The following DPF3 variants were observed in gnomAD, a reference collection of about 807,000 sequenced individuals.
DPF3 encodes zinc finger protein DPF3.
Under a neutral mutation model 56.8 loss-of-function variants are expected in DPF3, and 18 were observed. The observed-to-expected ratio is 0.32, with a 90% CI of 0.22 to 0.47. DPF3 has a LOEUF of 0.47. Among genes scored for constraint, DPF3 ranks in the 20% least tolerant of loss-of-function variants. DPF3 has a pLI of 1.00. For synonymous variants in DPF3, 188 were observed against 180.2 expected, an observed-to-expected ratio of 1.04 and a Z score of -0.35; for missense variants, 403 against 488.8, an observed-to-expected ratio of 0.82 and a Z score of 1.65.
chr14:72,622,666 C>T (rs2153566168), intron 9 of DPF3, among the ~76,000 whole-genome samples: 1 of 152,082 alleles, frequency 6.6e-6, no homozygotes, highest in South Asian at 2.1e-4. Flanking sequence ...TCTCTTCCAC[C>T]ACCAAGAGCC....
intron 8 of DPF3, among the ~76,000 whole-genome samples, chr14:72,669,607 C>T (rs934288859): frequency 1.3e-5 from 2 of 152,190 alleles, no homozygotes; most frequent in Admixed American, 6.5e-5. Flanking sequence ...CTGGATTTCA[C>T]TTCCAGGTTT....
chr14:72,819,181 A>C (rs1336570345), intron 1 of DPF3, among the ~76,000 whole-genome samples: 1 of 152,240 alleles, frequency 6.6e-6, no homozygotes, highest in Non-Finnish European at 1.5e-5. Flanking sequence ...GCTAAAATTC[A>C]AAAGACTGGT....
At chr14:72,720,593 C>T (rs1889129569) in intron 5 of DPF3, among the ~76,000 whole-genome samples, 2 of 152,238 alleles carry the variant, frequency 1.3e-5, no homozygotes, top group South Asian at 2.1e-4. Context: ...CTCATCTCCC[C>T]TACAGCTGAA....
In DPF3 at chr14:72,614,639, G is replaced by C. The variant is rs1463764958; in HGVS notation, c.*4658C>G. Among the ~76,000 whole-genome samples, 3 of 152,026 alleles carry C rather than the reference G, an allele frequency of 2.0e-5. No individual in the cohort carries two copies. In the East Asian group the frequency reaches 5.8e-4, roughly 29 times the overall value. The stretch of plus-strand genomic sequence containing the variant: ...TGAGGGGCTTACTTTGCCCTCAGAA[G>C]CATCCCTGAAACCCCACACAACCAA... On this transcript the variant is annotated 3_prime_UTR_variant, in exon 11 of 11. Coordinates refer to ENST00000556509, the MANE Select transcript of DPF3 (RefSeq NM_001280542.3).
chr14:72,822,807 G>A (rs934947983), intron 1 of DPF3, among the ~76,000 whole-genome samples: 1 of 152,112 alleles, frequency 6.6e-6, no homozygotes, highest in Non-Finnish European at 1.5e-5. Context: ...AGGAAAGAGA[G>A]TGTTATACGT....
At chr14:72,697,406 T>C (rs1158413033) in intron 6 of DPF3, among the ~76,000 whole-genome samples, 1 of 152,078 alleles carries the variant, frequency 6.6e-6, no homozygotes, top group Non-Finnish European at 1.5e-5. Context: ...GACAGGAAAC[T>C]GGCTTGAGTG....
At chr14:72,666,058 C>T (rs900760105) in intron 8 of DPF3, among the ~76,000 whole-genome samples, 2 of 152,166 alleles carry the variant, frequency 1.3e-5, no homozygotes, top group South Asian at 2.1e-4. Context: ...TGCAGAATGG[C>T]TTTTCCTATA....
intron 8 of DPF3, among the ~76,000 whole-genome samples, chr14:72,660,043 T>C (rs1481379426): frequency 6.6e-6 from 1 of 152,044 alleles, no homozygotes; most frequent in East Asian, 1.9e-4. Context: ...TGCCAGGAGC[T>C]GGGGAGGGAA....
At chr14:72,850,437 A>G (rs571058051) in intron 1 of DPF3, among the ~76,000 whole-genome samples, 7 of 152,300 alleles carry the variant, frequency 4.6e-5, no homozygotes, top group African/African-American at 1.7e-4. Flanking sequence ...GCAAACTGAG[A>G]AAAGGCAAAG....
chr14:72,834,774 A>C (rs1884219125), intron 1 of DPF3, among the ~76,000 whole-genome samples: 1 of 152,260 alleles, frequency 6.6e-6, no homozygotes, highest in Admixed American at 6.5e-5. Context: ...TCTTCATAAC[A>C]GCCAAAAAGC....
intron 1 of DPF3, among the ~76,000 whole-genome samples, chr14:72,815,075 A>G (rs1883226885): frequency 6.6e-6 from 1 of 152,218 alleles, no homozygotes. Flanking sequence ...AATATTTGCA[A>G]AACATATATC....
chr14:72,779,696 G>C (rs1399070597), intron 1 of DPF3, among the ~76,000 whole-genome samples: 2 of 152,166 alleles, frequency 1.3e-5, no homozygotes, highest in African/African-American at 4.8e-5. Context: ...TAGAACCTCT[G>C]GCACACAGAC....
At chr14:72,724,953 AC>A (rs1388152386) in intron 4 of DPF3, among the ~76,000 whole-genome samples, 1 of 151,720 alleles carries the variant, frequency 6.6e-6, no homozygotes, top group Non-Finnish European at 1.5e-5. Context: ...TGATCCTCCC[AC>A]CCCAGCCTCC....
At chr14:72,726,826 C>T (rs926146014) in intron 4 of DPF3, among the ~76,000 whole-genome samples, 7 of 151,920 alleles carry the variant, frequency 4.6e-5, no homozygotes, top group African/African-American at 2.4e-5. Flanking sequence ...ATGGTGATAA[C>T]AGCGGTTTGT....
intron 1 of DPF3, among the ~76,000 whole-genome samples, chr14:72,803,368 G>A (rs990320140): frequency 5.3e-5 from 8 of 152,190 alleles, no homozygotes; most frequent in Admixed American, 3.3e-4. Flanking sequence ...ATGTCTAAGC[G>A]TGACTATCAG....
intron 1 of DPF3, among the ~76,000 whole-genome samples, chr14:72,829,018 G>C (rs1004817021): frequency 3.3e-5 from 5 of 152,338 alleles, no homozygotes; most frequent in Non-Finnish European, 7.3e-5. Context: ...TAGGAGACCA[G>C]TAAGAAAGCC....
intron 8 of DPF3, among the ~76,000 whole-genome samples, chr14:72,657,057 G>C (rs929721209): frequency 6.6e-6 from 1 of 152,226 alleles, no homozygotes; most frequent in Non-Finnish European, 1.5e-5. Context: ...GGTGAAGTAA[G>C]AAGTTGGGAA....
chr14:72,874,924 C>T (rs1001905454), intron 1 of DPF3, among the ~76,000 whole-genome samples: 23 of 152,270 alleles, frequency 1.5e-4, no homozygotes, highest in South Asian at 4.1e-4. Context: ...TAAAGACATA[C>T]CTGAGACTGG....
At chr14:72,833,000 G>A (rs1884125617) in intron 1 of DPF3, among the ~76,000 whole-genome samples, 1 of 152,142 alleles carries the variant, frequency 6.6e-6, no homozygotes, top group Non-Finnish European at 1.5e-5. Flanking sequence ...AATCCAGGAG[G>A]GCTCATACAC....
Sources: gnomAD v4.1 joint callset for allele counts (sites outside exome capture counted in the v4.1 genomes callset) on GRCh38, gnomAD v4.1.1 for gene constraint, MANE v1.5 for transcripts, NCBI Gene and HGNC (gene_info 2026-07-23, HGNC 2026-07-21) for gene names.